Variants in UNC79 observed in about 807,000 individuals in gnomAD.
UNC79 encodes the protein unc-79 subunit of NALCN channel complex.
In UNC79, 37 loss-of-function variants were observed where a neutral mutation model predicts 283.1. That is an observed-to-expected ratio of 0.13 (90% CI 0.10 to 0.17). UNC79 has a LOEUF of 0.17. Ranked by LOEUF, UNC79 falls within the 10% of genes least tolerant of loss-of-function variation. The pLI is 1.00. For missense variants in UNC79, 2,272 were observed against 3,211.1 expected, an observed-to-expected ratio of 0.71 and a Z score of 7.07; for synonymous variants, 1,107 against 1,200.2, an observed-to-expected ratio of 0.92 and a Z score of 1.61.
At chr14:93,423,062 C>CAAAAAAAAAAAAAAAA (rs71129634) in intron 1 of UNC79, among the ~76,000 whole-genome samples, 2 of 77,304 alleles carry the variant, frequency 2.6e-5, no homozygotes, top group African/African-American at 5.5e-5. Flanking sequence ...GACTCTGTCT[C>CAAAAAAAAAAAAAAAA]AAAAAAAAAA....
rs1441927459 is a variant in UNC79 at position 93,584,441 on chromosome 14, C to G, written c.2803+2097C>G. Among the ~76,000 whole-genome samples the G allele has an allele frequency of 3.3e-5, 5 of 152,118 alleles. No individual in the cohort carries two copies. In the South Asian group the frequency reaches 6.2e-4, roughly 19 times the overall value. On this transcript the variant is annotated intron_variant, in intron 20 of 48. Transcript: ENST00000555664. ...TTAGTGGCAGGGTTGGGACTAGAAC[C>G]CAGGTCTTCTACTTTAATTTAGGAT...
intron 1 of UNC79, among the ~76,000 whole-genome samples, chr14:93,437,801 C>T (rs1221458618): frequency 6.6e-6 from 1 of 152,132 alleles, no homozygotes; most frequent in Non-Finnish European, 1.5e-5. Context: ...GCCTGTGTCT[C>T]TGTATCCAAA....
intron 1 of UNC79, among the ~76,000 whole-genome samples, chr14:93,338,418 T>G (rs1715374270): frequency 6.6e-6 from 1 of 152,118 alleles, no homozygotes; most frequent in African/African-American, 2.4e-5. Flanking sequence ...AACCTCTTTT[T>G]AAAATAGATT....
At chr14:93,567,305 A>C (rs1268115994) in intron 14 of UNC79, among the ~76,000 whole-genome samples, 5 of 152,140 alleles carry the variant, frequency 3.3e-5, no homozygotes, top group African/African-American at 1.2e-4. Flanking sequence ...GGCTCAGTGC[A>C]ACCTCCGCCT....
rs144450655 is a variant in UNC79, at chr14:93,675,214, T to C, written c.6741+1759T>C. Among the ~76,000 whole-genome samples the C allele has an allele frequency of 3.2e-3, 481 of 152,316 alleles. 3 individuals are homozygous for C. Among genetic ancestry groups the C allele is most frequent in the African/African-American group, 0.011 (468 of 41,558 alleles). On this transcript the variant is annotated intron_variant, in intron 41 of 48. Coordinates refer to ENST00000555664, the Ensembl canonical transcript of UNC79. ...TATCTTGGGCTGGGTTCTGGGAATATAGAGATGTGACAGGCATATCCTGAT... is the reference window on the plus strand; with the variant it reads ...TATCTTGGGCTGGGTTCTGGGAATACAGAGATGTGACAGGCATATCCTGAT...
chr14:93,416,216 TTG>T (rs2055453049), intron 1 of UNC79, among the ~76,000 whole-genome samples: 1 of 146,832 alleles, frequency 6.8e-6, no homozygotes. Context: ...TTCTGGTATG[TTG>T]TGTCTTTGTT....
At chr14:93,641,095 C>T in intron 32 of UNC79, 50 bp from the exon 36 acceptor site, 1 of 1,514,758 alleles carries the variant, frequency 6.6e-7, no homozygotes, top group Non-Finnish European at 9.0e-7. Flanking sequence ...CTTTCTTGGC[C>T]CCTTGAAGCT....
intron 10 of UNC79, 149 bp downstream of exon 10, chr14:93,529,475 A>G: frequency 1.2e-6 from 1 of 824,334 alleles, no homozygotes; most frequent in Non-Finnish European, 1.8e-6. Context: ...CATAATATCA[A>G]TGCCTTGCTT....
intron 1 of UNC79, chr14:93,464,591 A>G (rs2057087402): frequency 1.5e-5 from 7 of 456,306 alleles, no homozygotes; most frequent in South Asian, 1.1e-4. Context: ...TCAATAACAG[A>G]TGGCTTTTTA....
At chr14:93,638,085 C>T (rs951449385) in intron 32 of UNC79, among the ~76,000 whole-genome samples, 1 of 152,100 alleles carries the variant, frequency 6.6e-6, no homozygotes, top group African/African-American at 2.4e-5. Context: ...TAATTGTTAC[C>T]TTTGTTCTTT....
chr14:93,597,657 T>C (rs939804608), intron 24 of UNC79, 117 bp downstream of exon 24: 8 of 1,153,472 alleles, frequency 6.9e-6, no homozygotes, highest in Non-Finnish European at 9.5e-6. Flanking sequence ...TACCATAAAC[T>C]GGGTAGTTTA....
chr14:93,575,342 A>C (rs1246027893), intron 17 of UNC79, 144 bp downstream of exon 17: 3 of 884,046 alleles, frequency 3.4e-6, no homozygotes, highest in Non-Finnish European at 3.5e-6. Flanking sequence ...TAAGTGCATT[A>C]AATAGTCACA....
chr14:93,562,427 G>A (rs1447618466), intron 14 of UNC79, among the ~76,000 whole-genome samples: 1 of 152,176 alleles, frequency 6.6e-6, no homozygotes, highest in East Asian at 1.9e-4. Context: ...GAGCAAGAAA[G>A]TGCGTCCACA....
chr14:93,410,349 G>C (rs1045730823), intron 1 of UNC79, among the ~76,000 whole-genome samples: 2 of 152,198 alleles, frequency 1.3e-5, no homozygotes, highest in Admixed American at 1.3e-4. Context: ...GGGATGGAGT[G>C]CTCTGGGACC....
chr14:93,692,076 C>T, intron 46 of UNC79, 130 bp downstream of exon 49: 1 of 1,091,126 alleles, frequency 9.2e-7, no homozygotes, highest in Non-Finnish European at 1.3e-6. Flanking sequence ...GATATGTTAC[C>T]TTATAAGCTG....
intron 37 of UNC79, among the ~76,000 whole-genome samples, chr14:93,654,971 C>T (rs2070765195): frequency 6.6e-6 from 1 of 152,240 alleles, no homozygotes; most frequent in Non-Finnish European, 1.5e-5. Context: ...GTTTTCTTAG[C>T]ACCTAACCAC....
At chr14:93,365,579 C>T (rs1412069632) in intron 1 of UNC79, among the ~76,000 whole-genome samples, 1 of 152,012 alleles carries the variant, frequency 6.6e-6, no homozygotes, top group Non-Finnish European at 1.5e-5. Flanking sequence ...ACATCCTTGA[C>T]TATGAAGCAG....
At chr14:93,673,972 C>T (rs955897430) in intron 41 of UNC79, among the ~76,000 whole-genome samples, 2 of 152,096 alleles carry the variant, frequency 1.3e-5, no homozygotes, top group Admixed American at 1.3e-4. Context: ...CTCAGGGGAC[C>T]ACTGAAGCTG....
chr14:93,584,582 C>T (rs2064076847), intron 20 of UNC79, among the ~76,000 whole-genome samples: 1 of 152,240 alleles, frequency 6.6e-6, no homozygotes, highest in Non-Finnish European at 1.5e-5. Flanking sequence ...ATAGCCTGTA[C>T]TCTTTCTATG....
Sources: gnomAD v4.1 joint callset for allele counts (sites outside exome capture counted in the v4.1 genomes callset) on GRCh38, gnomAD v4.1.1 for gene constraint, MANE v1.5 for transcripts, NCBI Gene and HGNC (gene_info 2026-07-23, HGNC 2026-07-21) for gene names.